Variants in PPP1R14C observed in about 807,000 individuals in gnomAD.
PPP1R14C encodes protein phosphatase 1 regulatory subunit 14C.
A neutral mutation model predicts 20.4 loss-of-function variants in PPP1R14C; 16 were observed. The observed-to-expected ratio is 0.78, with a 90% CI of 0.53 to 1.19. The LOEUF (loss-of-function observed/expected upper bound fraction) is 1.19. Among genes scored for constraint, PPP1R14C ranks in the 50% most tolerant of loss-of-function variants. The pLI, the probability that PPP1R14C is intolerant of heterozygous loss-of-function variation, is 0.00. For synonymous variants in PPP1R14C, 91 were observed against 91.0 expected, an observed-to-expected ratio of 1.00 and a Z score of 0.00; for missense variants, 211 against 220.1, an observed-to-expected ratio of 0.96 and a Z score of 0.26.
intron 1 of PPP1R14C, among the ~76,000 whole-genome samples, chr6:150,170,782 T>TC (rs1247098613): frequency 4.6e-5 from 7 of 151,106 alleles, no homozygotes; most frequent in Non-Finnish European, 1.0e-4. Context: ...ACGACTCTTT[T>TC]TTTTTTTTTT....
rs1463401671 is a variant in PPP1R14C, at chr6:150,201,158, C to T, written c.307-13586C>T. 2.0e-5 allele frequency among the ~76,000 whole-genome samples: 3 copies of T among 152,192 alleles called. No homozygotes were observed. The highest frequency in any genetic ancestry group is 1.5e-5 in the Non-Finnish European group (1 of 68,032). On this transcript the variant is annotated intron_variant, in intron 1 of 3. Transcript: ENST00000361131. This position sits in a 1 kb window ranked among gnomAD's most constrained non-coding sequence, Gnocchi z 4.2. ...TAAATAGAGATGATGATAATACTCA[C>T]CTCAGGGAATTGTTTGTTATTTTAT...
At position 150,248,935 on chromosome 6, in the gene PPP1R14C, T is replaced by C. The variant is rs1778527681; in HGVS notation, c.*115T>C. 1 of 582,434 alleles carries C rather than the reference T, an allele frequency of 1.7e-6. No homozygotes were observed. Among genetic ancestry groups the C allele is most frequent in the Middle Eastern group, 2.9e-4 (1 of 3,414 alleles). 36.1% of individuals were successfully genotyped at this position (582,434 alleles called of 1,614,324 possible). On this transcript the variant is annotated 3_prime_UTR_variant, in exon 4 of 4. Transcript: ENST00000361131. ...TTATGAACAACGTTTTTGTTTTTTT[T>C]TTTTTCTTTTTTGGTGTGAAGGTGG...
At chr6:150,215,703 C>T (rs1171308266) in intron 2 of PPP1R14C, among the ~76,000 whole-genome samples, 1 of 152,172 alleles carries the variant, frequency 6.6e-6, no homozygotes, top group Non-Finnish European at 1.5e-5. Context: ...AAAGATAACG[C>T]AGGTATCAGT....
In PPP1R14C at chr6:150,214,770, T is replaced by C. The variant is rs1417052149; in HGVS notation, c.333T>C (p.Ile111=). The change falls in exon 2 of 4, where the codon ATT becomes ATC. Residue 111 remains isoleucine, a synonymous_variant. Coordinates refer to ENST00000361131, the MANE Select transcript of PPP1R14C (RefSeq NM_030949.3). ...AAGAAGAAATGCCAGAGGTAGAAAT[T>C]GACATTGATGATCTTCTTGATGCAG... ...CEEEEMPEVE[I]DIDDLLDADS... 1 of 1,613,246 alleles carries C rather than the reference T, an allele frequency of 6.2e-7. No homozygotes were observed. The highest frequency in any genetic ancestry group is 1.7e-5 in the Admixed American group (1 of 59,910).
intron 1 of PPP1R14C, among the ~76,000 whole-genome samples, chr6:150,146,230 A>T (rs536320167): frequency 2.0e-5 from 3 of 152,226 alleles, no homozygotes; most frequent in Non-Finnish European, 4.4e-5. Flanking sequence ...GAGAGGATTA[A>T]AAGGCTGCTT....
In PPP1R14C at chr6:150,249,866, CAA is replaced by C. The variant is rs1778543567; in HGVS notation, c.*1047_*1048del. ...AAGGTGAGAAAGCCTCACATTCTCT[CAA>C]GACAGTTGCTCTAGGAGCTGAGTTG... On this transcript the variant is annotated 3_prime_UTR_variant, in exon 4 of 4. Coordinates refer to ENST00000361131, the MANE Select transcript of PPP1R14C (RefSeq NM_030949.3). The C allele has an allele frequency of 4.2e-6, 1 of 237,762 alleles. No individual in the cohort carries two copies. The allele number at this position is 237,762 out of a possible 1,614,324, so 14.7% of individuals were successfully genotyped here.
chr6:150,241,053 C>A lies in PPP1R14C; in HGVS notation c.424-7693C>A, dbSNP rs777004588. On this transcript the variant is annotated intron_variant, in intron 3 of 3. Transcript: ENST00000361131. Reference sequence around the variant, plus strand: ...TTCTAATGAGGCATGTCTTGGTGGGCACCTAAGTGGGTGCTGGTCACCAGA... The same window carrying A: ...TTCTAATGAGGCATGTCTTGGTGGGAACCTAAGTGGGTGCTGGTCACCAGA... Among the ~76,000 whole-genome samples, 5 of 152,078 alleles carry A rather than the reference C, an allele frequency of 3.3e-5. No individual in the cohort carries two copies. The South Asian group carries it at 1.0e-3, about 32-fold the overall frequency.
chr6:150,147,531 A>G (rs1777193621), intron 1 of PPP1R14C, among the ~76,000 whole-genome samples: 1 of 152,184 alleles, frequency 6.6e-6, no homozygotes, highest in South Asian at 2.1e-4. Flanking sequence ...CTACTTTAAC[A>G]AGTACTGCAA....
chr6:150,183,528 T>C (rs953656642), intron 1 of PPP1R14C, among the ~76,000 whole-genome samples: 1 of 151,954 alleles, frequency 6.6e-6, no homozygotes, highest in Non-Finnish European at 1.5e-5. Flanking sequence ...CTTTTTTTTT[T>C]TGAGACGCAG....
chr6:150,218,927 C>T (rs561227607), intron 3 of PPP1R14C, among the ~76,000 whole-genome samples: 7 of 152,122 alleles, frequency 4.6e-5, no homozygotes, highest in Non-Finnish European at 4.4e-5. Flanking sequence ...GCTGGAATTA[C>T]AGGCATGAGC....
At chr6:150,166,002 A>G (rs1040397584) in intron 1 of PPP1R14C, among the ~76,000 whole-genome samples, 1 of 152,044 alleles carries the variant, frequency 6.6e-6, no homozygotes, top group Non-Finnish European at 1.5e-5. Context: ...AGTCAGTGCC[A>G]GTACACCAGA....
intron 3 of PPP1R14C, among the ~76,000 whole-genome samples, chr6:150,230,860 A>G (rs545240614): frequency 6.6e-6 from 1 of 151,298 alleles, no homozygotes; most frequent in African/African-American, 2.4e-5. Flanking sequence ...CCCTTTTCCT[A>G]CTTGCCAACG....
At chr6:150,182,365 C>A (rs1777631574) in intron 1 of PPP1R14C, among the ~76,000 whole-genome samples, 1 of 152,156 alleles carries the variant, frequency 6.6e-6, no homozygotes, top group African/African-American at 2.4e-5. Context: ...GTTCTGGAGG[C>A]TGGGAAGTCC....
In PPP1R14C at chr6:150,191,582, T is replaced by C. The variant is rs1339360406; in HGVS notation, c.307-23162T>C. Reference sequence around the variant, plus strand: ...TCTTAGAATCTTCATTTAAGCACCATAGATCCTTGATTGAATCTGGAAAAC... The same window carrying C: ...TCTTAGAATCTTCATTTAAGCACCACAGATCCTTGATTGAATCTGGAAAAC... On this transcript the variant is annotated intron_variant, in intron 1 of 3. Transcript: ENST00000361131. Among the ~76,000 whole-genome samples the C allele has an allele frequency of 4.6e-5, 7 of 152,226 alleles. No individual in the cohort carries two copies. The East Asian group carries it at 1.3e-3, about 29-fold the overall frequency.
At chr6:150,195,113 T>C (rs1777786811) in intron 1 of PPP1R14C, 1 of 983,576 alleles carries the variant, frequency 1.0e-6, no homozygotes, top group Non-Finnish European at 1.2e-6. Context: ...CATGCAATTA[T>C]GTGGGTTACT....
chr6:150,179,198 G>T lies in PPP1R14C; in HGVS notation c.307-35546G>T, dbSNP rs981753862. The stretch of plus-strand genomic sequence containing the variant: ...AGCTAGGGGCGCTGCTTGAGCCCAG[G>T]AGTTCAGTACCAGCTGGGACAACAT... On this transcript the variant is annotated intron_variant, in intron 1 of 3. Transcript: ENST00000361131. Among the ~76,000 whole-genome samples, 4 of 152,216 alleles carry T rather than the reference G, an allele frequency of 2.6e-5. No homozygotes were observed. In the Middle Eastern group the frequency reaches 0.01, roughly 388 times the overall value.
intron 3 of PPP1R14C, among the ~76,000 whole-genome samples, chr6:150,233,850 G>A (rs1207225225): frequency 4.6e-5 from 7 of 152,050 alleles, no homozygotes; most frequent in East Asian, 3.9e-4. Context: ...CTCAGAGCAC[G>A]CACCAGGCAG....
intron 1 of PPP1R14C, among the ~76,000 whole-genome samples, chr6:150,192,867 A>G (rs1777762783): frequency 6.6e-6 from 1 of 151,938 alleles, no homozygotes. Context: ...ACAGTGTCTC[A>G]TCTTTCAGGG....
chr6:150,149,091 G>T (rs1009028760), intron 1 of PPP1R14C, among the ~76,000 whole-genome samples: 16 of 152,096 alleles, frequency 1.1e-4, no homozygotes, highest in African/African-American at 3.4e-4. Context: ...GTAGATAAAA[G>T]AATTCTAAAT....
Sources: allele counts gnomAD v4.1 joint callset (sites outside exome capture counted in the v4.1 genomes callset), GRCh38; gene constraint gnomAD v4.1.1; non-coding constraint Gnocchi (gnomAD v3.1); transcripts MANE v1.5; gene names NCBI Gene and HGNC (gene_info 2026-07-23, HGNC 2026-07-21).